The following VRK2 variants were observed in gnomAD, a reference collection of about 807,000 sequenced individuals.
VRK2 encodes the protein VRK serine/threonine kinase 2.
VRK2 carries 60 observed loss-of-function variants against 57.6 expected under a neutral mutation model. The ratio of observed to expected loss-of-function variants is 1.04; its 90% CI spans 0.85 to 1.29. The LOEUF is 1.29. Ranked by LOEUF, VRK2 falls within the 50% of genes most tolerant of loss-of-function variation. The pLI, the probability that VRK2 is intolerant of heterozygous loss-of-function variation, is 0.00. For synonymous variants in VRK2, 231 were observed against 199.2 expected (o/e 1.16, Z -1.35); for missense variants, 705 against 588.1 (o/e 1.20, Z -2.06).
chr2:58,101,495 T>G (rs1428423244), intron 7 of VRK2, among the ~76,000 whole-genome samples: 2 of 151,822 alleles, frequency 1.3e-5, no homozygotes, highest in East Asian at 3.8e-4. Flanking sequence ...GGTACAGTTT[T>G]ATCTTCCATT....
At chr2:57,991,763 T>C (rs1672774102) in intron 1 of VRK2, among the ~76,000 whole-genome samples, 1 of 146,812 alleles carries the variant, frequency 6.8e-6, no homozygotes, top group African/African-American at 2.5e-5. Flanking sequence ...CTGGCCAACA[T>C]GGTGAAACCC....
intron 1 of VRK2, among the ~76,000 whole-genome samples, chr2:57,990,127 G>A (rs1672716715): frequency 6.6e-6 from 1 of 152,136 alleles, no homozygotes; most frequent in Admixed American, 6.5e-5. Context: ...GCCATCCTCT[G>A]GCATAGTCAT....
rs138973189 is a variant in VRK2, at chr2:58,123,551, A to G, written c.676+318A>G. Among the ~76,000 whole-genome samples, 173 of 152,248 alleles carry G rather than the reference A, an allele frequency of 1.1e-3. 1 individual carries two copies. The highest frequency in any genetic ancestry group is 1.2e-4 in the Non-Finnish European group (8 of 68,010). Reference sequence around the variant, plus strand: ...GCAGTGAATGTTTATACTGAAGTGAATATTACAGATTTGGTAAAGTTGCAT... The same window carrying G: ...GCAGTGAATGTTTATACTGAAGTGAGTATTACAGATTTGGTAAAGTTGCAT... On this transcript the variant is annotated intron_variant, in intron 8 of 12. Coordinates refer to ENST00000340157, the MANE Select transcript of VRK2 (RefSeq NM_006296.7).
chr2:58,132,856 C>T (rs1475878970), intron 9 of VRK2, among the ~76,000 whole-genome samples: 1 of 152,128 alleles, frequency 6.6e-6, no homozygotes, highest in Non-Finnish European at 1.5e-5. Flanking sequence ...TTTCTCCACT[C>T]AGAATTTTGA....
chr2:58,022,528 T>C (rs1356016497), intron 1 of VRK2, among the ~76,000 whole-genome samples: 4 of 152,148 alleles, frequency 2.6e-5, no homozygotes, highest in African/African-American at 9.7e-5. Context: ...AAAGAGTATG[T>C]TGTCATTGAG....
intron 1 of VRK2, among the ~76,000 whole-genome samples, chr2:57,922,488 G>GTGTGTGT (rs1670384407): frequency 1.3e-5 from 2 of 148,492 alleles, no homozygotes; most frequent in Non-Finnish European, 3.0e-5. Flanking sequence ...GTGTGTGTGT[G>GTGTGTGT]ATGAGAATAT....
At chr2:58,041,533 C>T (rs1674455653) in intron 3 of VRK2, among the ~76,000 whole-genome samples, 1 of 151,940 alleles carries the variant, frequency 6.6e-6, no homozygotes. Context: ...AATAAGATAC[C>T]AACATGACAG....
intron 1 of VRK2, among the ~76,000 whole-genome samples, chr2:57,920,780 G>T (rs562432633): frequency 5.3e-5 from 8 of 152,184 alleles, no homozygotes; most frequent in African/African-American, 1.7e-4. Context: ...AACTATGGGT[G>T]AGAATTCCTG....
At chr2:57,986,727 C>G (rs983587897) in intron 1 of VRK2, among the ~76,000 whole-genome samples, 1 of 151,424 alleles carries the variant, frequency 6.6e-6, no homozygotes, top group African/African-American at 2.4e-5. Flanking sequence ...GCCTCCCAAG[C>G]AGCTGGGATT....
At chr2:57,960,590 A>T (rs1214129831) in intron 1 of VRK2, among the ~76,000 whole-genome samples, 1 of 152,204 alleles carries the variant, frequency 6.6e-6, no homozygotes, top group Non-Finnish European at 1.5e-5. Flanking sequence ...TCCTAGGTTC[A>T]TATCTATGGT....
chr2:58,045,766 T>C (rs1171417382), upstream of VRK2, among the ~76,000 whole-genome samples: 2 of 152,008 alleles, frequency 1.3e-5, no homozygotes, highest in African/African-American at 4.8e-5. Context: ...GTGGTTACTA[T>C]GTAGAATGCT....
Position 58,128,656 on chromosome 2 carries a change from C to T in VRK2, c.677-3152C>T, listed in dbSNP as rs376280400. Among the ~76,000 whole-genome samples, 79 of 152,168 alleles carry T rather than the reference C, an allele frequency of 5.2e-4. No individual in the cohort carries two copies. In the South Asian group the frequency reaches 6.8e-3, roughly 13 times the overall value. On this transcript the variant is annotated intron_variant, in intron 8 of 12. Transcript: ENST00000340157. ...AACAAAGTAATTGCAAGATTGAGCACGGGCTTTGGTTTTTGAAAGACTTGG... is the reference window on the plus strand; with the variant it reads ...AACAAAGTAATTGCAAGATTGAGCATGGGCTTTGGTTTTTGAAAGACTTGG...
At chr2:58,137,166 C>CAT (rs1229582214) in intron 10 of VRK2, among the ~76,000 whole-genome samples, 1,822 of 7,038 alleles carry the variant, frequency 0.26, 170 homozygotes, top group Middle Eastern at 0.5. Context: ...TTATATATAT[C>CAT]ATATATCATA....
At chr2:58,145,492 C>T (rs528156022) in intron 11 of VRK2, among the ~76,000 whole-genome samples, 1 of 152,086 alleles carries the variant, frequency 6.6e-6, no homozygotes, top group Admixed American at 6.6e-5. Flanking sequence ...TGGATACACT[C>T]CCAGCAAAGG....
intron 1 of VRK2, among the ~76,000 whole-genome samples, chr2:58,013,422 T>C (rs559583556): frequency 7.9e-5 from 12 of 152,354 alleles, no homozygotes; most frequent in African/African-American, 2.6e-4. Context: ...ACGCTAGAAA[T>C]AAGTCAAAAT....
chr2:58,029,784 A>G (rs1012159262), intron 2 of VRK2, among the ~76,000 whole-genome samples: 3 of 152,058 alleles, frequency 2.0e-5, no homozygotes, highest in Admixed American at 2.0e-4. Context: ...CTCATCCTAC[A>G]TTACCTTGAG....
At chr2:57,933,044 T>G (rs1670782123) in intron 1 of VRK2, among the ~76,000 whole-genome samples, 1 of 152,130 alleles carries the variant, frequency 6.6e-6, no homozygotes, top group African/African-American at 2.4e-5. Context: ...ATCCTTGATA[T>G]GGTTTCAGTC....
At chr2:58,101,723 G>C (rs894211783) in intron 7 of VRK2, among the ~76,000 whole-genome samples, 14 of 151,630 alleles carry the variant, frequency 9.2e-5, no homozygotes, top group African/African-American at 3.4e-4. Flanking sequence ...CTGGTTGTTA[G>C]CTAAAATCTG....
In VRK2 at chr2:58,048,878, C is replaced by T. The variant is rs1675279743; in HGVS notation, c.47C>T (p.Pro16Leu). ...NEKYKLPIPF[P>L]EGKVLDDMEG... ...AAATACAAACTTCCTATTCCATTTC[C>T]AGAAGGCAAGGTTCTGGATGATATG... Residue 16 changes from proline (P) to leucine (L), a missense_variant, in exon 2 of 13, where the codon CCA becomes CTA. Transcript: ENST00000340157. 2 of 1,613,798 alleles carry T rather than the reference C, an allele frequency of 1.2e-6. No homozygotes were observed. Among genetic ancestry groups the T allele is most frequent in the East Asian group, 2.2e-5 (1 of 44,856 alleles).
Sources: allele counts gnomAD v4.1 joint callset (sites outside exome capture counted in the v4.1 genomes callset), GRCh38; gene constraint gnomAD v4.1.1; transcripts MANE v1.5; gene names NCBI Gene and HGNC (gene_info 2026-07-23, HGNC 2026-07-21).